PIAS2: variants seen among roughly 807,000 people sequenced by gnomAD.
PIAS2 encodes the protein protein inhibitor of activated STAT 2.
In PIAS2, 19 loss-of-function variants were observed where a neutral mutation model predicts 69.7. The ratio of observed to expected loss-of-function variants is 0.27; its 90% CI spans 0.19 to 0.40. PIAS2 has a LOEUF of 0.40. PIAS2 is among the 10% of genes least tolerant of loss of function. PIAS2 has a pLI of 1.00. For synonymous variants in PIAS2, 261 were observed against 263.2 expected (o/e 0.99, Z 0.08); for missense variants, 624 against 757.0 (o/e 0.82, Z 2.06).
chr18:46,901,534 A>G (rs2055862106), intron 1 of PIAS2, among the ~76,000 whole-genome samples: 1 of 152,238 alleles, frequency 6.6e-6, no homozygotes, highest in Non-Finnish European at 1.5e-5. Flanking sequence ...ATTATGCACC[A>G]TGACCAAGTG....
At chr18:46,841,136 T>C (rs2045323795) in intron 8 of PIAS2, among the ~76,000 whole-genome samples, 2 of 152,188 alleles carry the variant, frequency 1.3e-5, no homozygotes, top group South Asian at 2.1e-4. Flanking sequence ...AATTCAGATA[T>C]GGTGTTCAGA....
At chr18:46,863,629 T>C (rs901162811) in intron 3 of PIAS2, among the ~76,000 whole-genome samples, 6 of 152,180 alleles carry the variant, frequency 3.9e-5, no homozygotes, top group Non-Finnish European at 7.3e-5. Flanking sequence ...TATTGCCAAA[T>C]ATAACAAAAA....
chr18:46,883,945 G>T (rs1441088050), intron 2 of PIAS2, among the ~76,000 whole-genome samples: 1 of 152,148 alleles, frequency 6.6e-6, no homozygotes, highest in East Asian at 1.9e-4. Flanking sequence ...GAGGTAGAGG[G>T]TGCAGTGATG....
chr18:46,907,252 A>C, intron 1 of PIAS2, among the ~76,000 whole-genome samples: 1 of 152,360 alleles, frequency 6.6e-6, no homozygotes, highest in East Asian at 1.9e-4. Flanking sequence ...GTCCCAATAT[A>C]AAAATGAGTA....
intron 12 of PIAS2, chr18:46,816,061 G>A (rs1324830323): frequency 1.0e-6 from 1 of 984,460 alleles, no homozygotes; most frequent in Non-Finnish European, 1.2e-6. Context: ...GAAAAGTCTA[G>A]TAATAAACTT....
intron 12 of PIAS2, chr18:46,816,558 G>T: frequency 1.9e-6 from 1 of 515,690 alleles, no homozygotes; most frequent in Non-Finnish European, 2.5e-6. Context: ...GGTAACTGTA[G>T]CCTTTACCTT....
intron 13 of PIAS2, among the ~76,000 whole-genome samples, chr18:46,814,140 G>A (rs1214457333): frequency 6.6e-6 from 1 of 152,118 alleles, no homozygotes; most frequent in Non-Finnish European, 1.5e-5. Context: ...TCAGATTGCA[G>A]CCACTTAAGT....
intron 2 of PIAS2, among the ~76,000 whole-genome samples, chr18:46,876,381 G>C (rs1266508214): frequency 6.6e-6 from 1 of 152,150 alleles, no homozygotes; most frequent in African/African-American, 2.4e-5. Flanking sequence ...GTGGTTAACT[G>C]TAAATAAAAA....
chr18:46,892,195 C>T (rs897994103), intron 1 of PIAS2, among the ~76,000 whole-genome samples: 4 of 152,014 alleles, frequency 2.6e-5, no homozygotes, highest in Admixed American at 6.6e-5. Context: ...GTCTCAGGGA[C>T]GGCCCAGAAG....
chr18:46,901,762 A>T (rs1251881494), intron 1 of PIAS2, among the ~76,000 whole-genome samples: 3 of 152,244 alleles, frequency 2.0e-5, no homozygotes, highest in Admixed American at 2.0e-4. Context: ...ACAAGAATAG[A>T]GGAGAGCTTC....
At chr18:46,859,142 T>C (rs997917973) in intron 3 of PIAS2, among the ~76,000 whole-genome samples, 1 of 152,088 alleles carries the variant, frequency 6.6e-6, no homozygotes, top group African/African-American at 2.4e-5. Flanking sequence ...AAAGAATCAA[T>C]GAAGGGCCAG....
chr18:46,912,010 CA>C (rs1335392333), intron 1 of PIAS2, among the ~76,000 whole-genome samples: 1 of 151,842 alleles, frequency 6.6e-6, no homozygotes, highest in Non-Finnish European at 1.5e-5. Flanking sequence ...AAGATGGCGC[CA>C]TTGCTCTCCA....
intron 1 of PIAS2, among the ~76,000 whole-genome samples, chr18:46,903,060 C>G (rs1318816758): frequency 6.6e-6 from 1 of 152,156 alleles, no homozygotes; most frequent in Non-Finnish European, 1.5e-5. Flanking sequence ...ACAAAAATAA[C>G]TCCAAATGGA....
At position 46,855,820 on chromosome 18, in the gene PIAS2, A is replaced by C. The variant is rs140648151; in HGVS notation, c.585-205T>G. On this transcript the variant is annotated intron_variant, in intron 3 of 13. Transcript: ENST00000585916. ...TTGCTTAACTTCTAGCCACGTCTTT[A>C]TGGCAATTTTAAGGTACCTTCAATG... 3.3e-5 allele frequency among the ~76,000 whole-genome samples: 5 copies of C among 152,220 alleles called. No homozygotes were observed. In the East Asian group the frequency reaches 9.6e-4, roughly 29 times the overall value.
intron 1 of PIAS2, among the ~76,000 whole-genome samples, chr18:46,908,609 T>A (rs575758850): frequency 1.3e-5 from 2 of 152,136 alleles, no homozygotes; most frequent in Non-Finnish European, 2.9e-5. Context: ...GAAAATATCT[T>A]CGAGAACTCT....
At chr18:46,840,147 C>T (rs2045141153) in intron 8 of PIAS2, among the ~76,000 whole-genome samples, 1 of 151,032 alleles carries the variant, frequency 6.6e-6, no homozygotes, top group African/African-American at 2.4e-5. Flanking sequence ...GATGACAGAG[C>T]AAGACTCTAT....
intron 8 of PIAS2, among the ~76,000 whole-genome samples, chr18:46,838,157 T>A (rs1278959417): frequency 6.6e-6 from 1 of 152,226 alleles, no homozygotes; most frequent in African/African-American, 2.4e-5. Context: ...AATGAACACC[T>A]GGTAATGTGG....
At chr18:46,844,200 T>C (rs1022215686) in intron 7 of PIAS2, 73 bp from the exon 8 acceptor site, 11 of 671,862 alleles carry the variant, frequency 1.6e-5, no homozygotes, top group African/African-American at 3.8e-5. Flanking sequence ...TAGAAATATA[T>C]AGCATCTTAA....
intron 9 of PIAS2, among the ~76,000 whole-genome samples, chr18:46,835,562 G>C (rs1389922966): frequency 2.0e-5 from 3 of 152,126 alleles, no homozygotes; most frequent in African/African-American, 7.2e-5. Flanking sequence ...GTGTAGCTAG[G>C]ACTACAGGCA....
Sources: gnomAD v4.1 joint callset for allele counts (sites outside exome capture counted in the v4.1 genomes callset) on GRCh38, gnomAD v4.1.1 for gene constraint, MANE v1.5 for transcripts, NCBI Gene and HGNC (gene_info 2026-07-23, HGNC 2026-07-21) for gene names.